Variants in RAB3C observed in about 807,000 individuals in gnomAD.
RAB3C encodes RAB3C, member RAS oncogene family.
In RAB3C, 17 loss-of-function variants were observed where a neutral mutation model predicts 26.4. The observed-to-expected ratio is 0.64, with a 90% CI of 0.44 to 0.97. The LOEUF (loss-of-function observed/expected upper bound fraction) is 0.97. Ranked by LOEUF, RAB3C falls within the 50% of genes least tolerant of loss-of-function variation. The pLI, the probability that RAB3C is intolerant of heterozygous loss-of-function variation, is 0.00. For synonymous variants in RAB3C, 91 were observed against 95.9 expected (o/e 0.95, Z 0.30); for missense variants, 242 against 281.9 (o/e 0.86, Z 1.01).
intron 3 of RAB3C, among the ~76,000 whole-genome samples, chr5:58,818,490 T>G (rs554545429): frequency 2.6e-5 from 4 of 152,304 alleles, no homozygotes; most frequent in African/African-American, 9.6e-5. Flanking sequence ...GAGAGAAAGC[T>G]TGAGGTATTT....
At chr5:58,797,619 T>C (rs2675379) in intron 3 of RAB3C, among the ~76,000 whole-genome samples, 136,108 of 151,810 alleles carry the variant, frequency 0.9, 62,538 homozygotes, top group Non-Finnish European at 1. Flanking sequence ...TGTGAGCCTA[T>C]AGCAGGGACC....
At chr5:58,801,774 C>T in intron 3 of RAB3C, among the ~76,000 whole-genome samples, 1 of 152,198 alleles carries the variant, frequency 6.6e-6, no homozygotes, top group East Asian at 1.9e-4. Context: ...ATACCAGGAC[C>T]ACTTTGTCAG....
chr5:58,706,123 G>A (rs533203287), intron 2 of RAB3C, among the ~76,000 whole-genome samples: 1 of 152,310 alleles, frequency 6.6e-6, no homozygotes, highest in Admixed American at 6.5e-5. Flanking sequence ...TTAGTGTAAA[G>A]GAGATGGCAA....
At chr5:58,668,984 C>T (rs577421614) in intron 2 of RAB3C, among the ~76,000 whole-genome samples, 1 of 152,168 alleles carries the variant, frequency 6.6e-6, no homozygotes, top group South Asian at 2.1e-4. Flanking sequence ...TGGAGATGGC[C>T]ATCTTCTTGC....
At chr5:58,657,470 A>G (rs1349300883) in intron 2 of RAB3C, among the ~76,000 whole-genome samples, 1 of 152,226 alleles carries the variant, frequency 6.6e-6, no homozygotes, top group East Asian at 1.9e-4. Context: ...CGATGTGTGC[A>G]TCATGTGAAG....
chr5:58,736,669 T>C (rs1284699854), intron 3 of RAB3C, among the ~76,000 whole-genome samples: 1 of 152,242 alleles, frequency 6.6e-6, no homozygotes, highest in Non-Finnish European at 1.5e-5. Context: ...ATTTCTTCTT[T>C]TTATAAGGAC....
chr5:58,729,160 T>C (rs1290503057), intron 3 of RAB3C, among the ~76,000 whole-genome samples: 1 of 152,008 alleles, frequency 6.6e-6, no homozygotes, highest in Non-Finnish European at 1.5e-5. Context: ...TCTGCTATTA[T>C]TTCATTATAT....
intron 2 of RAB3C, among the ~76,000 whole-genome samples, chr5:58,668,708 C>T (rs1748049464): frequency 6.6e-6 from 1 of 152,014 alleles, no homozygotes. Context: ...AGAAGTCACC[C>T]CTCCACTTAA....
chr5:58,759,416 T>C (rs62358089), intron 3 of RAB3C, among the ~76,000 whole-genome samples: 4,011 of 152,316 alleles, frequency 0.026, 85 homozygotes, highest in Non-Finnish European at 0.042. Context: ...CTGGATCCCC[T>C]AGTTCACCAC....
At chr5:58,697,095 C>T (rs956590991) in intron 2 of RAB3C, among the ~76,000 whole-genome samples, 11 of 152,096 alleles carry the variant, frequency 7.2e-5, no homozygotes, top group Non-Finnish European at 1.5e-4. Flanking sequence ...CTGCTTTAAA[C>T]GTGTCCCAGA....
At chr5:58,601,424 A>G (rs1476694206) in intron 1 of RAB3C, among the ~76,000 whole-genome samples, 1 of 152,100 alleles carries the variant, frequency 6.6e-6, no homozygotes, top group Non-Finnish European at 1.5e-5. Flanking sequence ...GATTGGTACC[A>G]ATTCTTCTTT....
At chr5:58,705,073 A>G (rs1748916972) in intron 2 of RAB3C, among the ~76,000 whole-genome samples, 1 of 150,694 alleles carries the variant, frequency 6.6e-6, no homozygotes, top group Non-Finnish European at 1.5e-5. Context: ...AAATATCACT[A>G]TGATAATTTT....
chr5:58,798,003 G>C (rs2548246), intron 3 of RAB3C, among the ~76,000 whole-genome samples: 101,267 of 151,894 alleles, frequency 0.67, 35,399 homozygotes, highest in Non-Finnish European at 0.79. Flanking sequence ...ATTCTCACAA[G>C]TCTTATGGCA....
At chr5:58,731,257 C>T (rs1231891921) in intron 3 of RAB3C, among the ~76,000 whole-genome samples, 2 of 152,078 alleles carry the variant, frequency 1.3e-5, no homozygotes, top group Non-Finnish European at 2.9e-5. Context: ...TTGAATTTTC[C>T]AGTGGAATTT....
At chr5:58,701,297 G>A (rs149351) in intron 2 of RAB3C, among the ~76,000 whole-genome samples, 72,977 of 151,926 alleles carry the variant, frequency 0.48, 18,868 homozygotes, top group Non-Finnish European at 0.58. Flanking sequence ...TACTGCGCCC[G>A]GCCTAGTTCA....
intron 3 of RAB3C, among the ~76,000 whole-genome samples, chr5:58,778,085 CTA>C (rs1266130124): frequency 6.6e-6 from 1 of 152,070 alleles, no homozygotes; most frequent in East Asian, 1.9e-4. Context: ...AATTAGAACA[CTA>C]TATTTTTATT....
rs1376352779 is a variant in RAB3C, at chr5:58,858,346, C to T, written c.*6995C>T. The T allele has an allele frequency of 1.3e-5, 2 of 152,000 alleles. No individual in the cohort carries two copies. The highest frequency in any genetic ancestry group is 2.9e-5 in the Non-Finnish European group (2 of 68,006). 9.4% of individuals were successfully genotyped at this position (152,000 alleles called of 1,614,324 possible). A position where few individuals can be genotyped will look rare whatever the true frequency, so the allele number is the denominator to read the frequency against. ...TTTTTAAAAAATGGAAGCAGGTAGCCAATATTAGAATGATAATTTAAGGGT... is the reference window on the plus strand; with the variant it reads ...TTTTTAAAAAATGGAAGCAGGTAGCTAATATTAGAATGATAATTTAAGGGT... On this transcript the variant is annotated 3_prime_UTR_variant, in exon 5 of 5. Coordinates refer to ENST00000282878, the MANE Select transcript of RAB3C (RefSeq NM_138453.4).
chr5:58,590,644 G>A (rs1175868378), intron 1 of RAB3C, among the ~76,000 whole-genome samples: 2 of 152,024 alleles, frequency 1.3e-5, no homozygotes, highest in African/African-American at 2.4e-5. Context: ...CTGGGTTCAA[G>A]CGATTCTCCT....
intron 2 of RAB3C, among the ~76,000 whole-genome samples, chr5:58,665,278 A>C (rs59064450): frequency 1.3e-5 from 2 of 152,040 alleles, no homozygotes; most frequent in Non-Finnish European, 2.9e-5. Context: ...TAAGGCTTTT[A>C]TGGGGGAATA....
Sources: allele counts gnomAD v4.1 joint callset (sites outside exome capture counted in the v4.1 genomes callset), GRCh38; gene constraint gnomAD v4.1.1; transcripts MANE v1.5; gene names NCBI Gene and HGNC (gene_info 2026-07-23, HGNC 2026-07-21).